Variants in SNX9 observed in about 807,000 individuals in gnomAD.
SNX9 encodes the protein sorting nexin 9.
A neutral mutation model predicts 89.4 loss-of-function variants in SNX9; 44 were observed. The observed-to-expected ratio is 0.49, with a 90% CI of 0.39 to 0.63. SNX9 has a LOEUF of 0.63. SNX9 is among the 30% of genes least tolerant of loss of function. SNX9 has a pLI of 0.00. For synonymous variants in SNX9, 236 were observed against 247.8 expected (o/e 0.95, Z 0.45); for missense variants, 578 against 736.1 (o/e 0.79, Z 2.49).
chr6:157,868,085 A>G (rs973584465), intron 2 of SNX9, among the ~76,000 whole-genome samples: 8 of 152,152 alleles, frequency 5.3e-5, no homozygotes, highest in Admixed American at 1.3e-4. Context: ...GATTGATCCT[A>G]TCATCATTTT....
intron 4 of SNX9, among the ~76,000 whole-genome samples, chr6:157,893,190 T>A (rs1782899954): frequency 6.6e-6 from 1 of 152,242 alleles, no homozygotes; most frequent in Non-Finnish European, 1.5e-5. Context: ...GAAGTGTGAC[T>A]GCCAGGCCCT....
At chr6:157,880,890 T>C (rs577553849) in intron 4 of SNX9, among the ~76,000 whole-genome samples, 2 of 152,348 alleles carry the variant, frequency 1.3e-5, no homozygotes, top group Non-Finnish European at 2.9e-5. Flanking sequence ...TAAAACCTCA[T>C]GGGATTTTTG....
intron 1 of SNX9, among the ~76,000 whole-genome samples, chr6:157,841,627 C>T (rs140293474): frequency 5.3e-4 from 80 of 152,162 alleles, no homozygotes; most frequent in Admixed American, 1.0e-3. Flanking sequence ...AGGTGGTTGC[C>T]AGGAGGAAGT....
chr6:157,824,972 G>T (rs952094396), intron 1 of SNX9, among the ~76,000 whole-genome samples: 1 of 152,176 alleles, frequency 6.6e-6, no homozygotes, highest in Non-Finnish European at 1.5e-5. Context: ...GGCCGGGCGC[G>T]GTGGCTCACT....
In SNX9 at chr6:157,914,936, CT is replaced by C. The variant is rs1783431024; in HGVS notation, c.949+4914del. On this transcript the variant is annotated intron_variant, in intron 9 of 17. Transcript: ENST00000392185. ...AAGGTTTTAGGCTTTTCGTTTAGAT[CT>C]TTGATGCATTTTGAGGTTATTTTTG... Among the ~76,000 whole-genome samples, 11 of 152,136 alleles carry C rather than the reference CT, an allele frequency of 7.2e-5. No homozygotes were observed. The South Asian group carries it at 2.3e-3, about 32-fold the overall frequency.
At chr6:157,882,355 C>T (rs1017393463) in intron 4 of SNX9, among the ~76,000 whole-genome samples, 83 of 152,186 alleles carry the variant, frequency 5.5e-4, no homozygotes, top group African/African-American at 1.8e-3. Context: ...CACCTAAGAG[C>T]GCTGATGGAG....
In SNX9 at chr6:157,863,558, A is replaced by C. The variant is rs79613221; in HGVS notation, c.13-3989A>C. 5.3e-3 allele frequency among the ~76,000 whole-genome samples: 803 copies of C among 152,348 alleles called. 8 individuals carry two copies. Among genetic ancestry groups the C allele is most frequent in the African/African-American group, 0.019 (773 of 41,578 alleles). Reference sequence around the variant, plus strand: ...AGGACTAGGTGGAAATTTAGCTCTTAGAAATAGTTGAAGAATGAGTTCTTG... The same window carrying C: ...AGGACTAGGTGGAAATTTAGCTCTTCGAAATAGTTGAAGAATGAGTTCTTG... On this transcript the variant is annotated intron_variant, in intron 1 of 17. Transcript: ENST00000392185.
At chr6:157,905,973 A>G (rs1350040621) in intron 6 of SNX9, among the ~76,000 whole-genome samples, 155 bp from the exon 7 acceptor site, 2 of 152,214 alleles carry the variant, frequency 1.3e-5, no homozygotes, top group South Asian at 2.1e-4. Context: ...CCATTGAACA[A>G]TCTGATTACA....
intron 1 of SNX9, among the ~76,000 whole-genome samples, chr6:157,833,526 AAG>A (rs745821910): frequency 3.3e-5 from 5 of 152,162 alleles, no homozygotes; most frequent in African/African-American, 4.8e-5. Flanking sequence ...AGGGGAAAAA[AAG>A]AGTATGTTTT....
chr6:157,930,357 A>G (rs1359571598), intron 12 of SNX9, among the ~76,000 whole-genome samples: 2 of 152,228 alleles, frequency 1.3e-5, no homozygotes, highest in East Asian at 3.8e-4. Context: ...ATGTATACAA[A>G]TGCAGCATCT....
rs1309242733 is a variant in SNX9 at position 157,937,438 on chromosome 6, A to G, written c.1448A>G (p.Lys483Arg). 1 of 1,612,482 alleles carries G rather than the reference A, an allele frequency of 6.2e-7. No homozygotes were observed. Among genetic ancestry groups the G allele is most frequent in the South Asian group, 1.1e-5 (1 of 90,922 alleles). The change falls in exon 15 of 18, where the codon AAG becomes AGG. Residue 483 changes from lysine to arginine, a missense_variant. This residue lies in a region of SNX9 where 348 missense variants were observed against 491.4 expected (regional missense o/e 0.71). Coordinates refer to ENST00000392185, the MANE Select transcript of SNX9 (RefSeq NM_016224.5). ...TCAGCTTGTATCTTGTTATAGCCAA[A>G]GAAAGATCTCCATTTCCTGATGGAA... ...EIASLVAEQP[K>R]KDLHFLMECN...
intron 9 of SNX9, among the ~76,000 whole-genome samples, chr6:157,916,544 A>G (rs1398202855): frequency 2.6e-5 from 4 of 152,212 alleles, no homozygotes; most frequent in Admixed American, 1.3e-4. Flanking sequence ...ACCATTAACT[A>G]TGATGTTAGC....
intron 7 of SNX9, among the ~76,000 whole-genome samples, chr6:157,908,658 TTAAA>T (rs1298645164): frequency 6.6e-6 from 1 of 152,132 alleles, no homozygotes; most frequent in African/African-American, 2.4e-5. Context: ...GGATGCTGTT[TTAAA>T]TAAGATGAAA....
At chr6:157,892,983 C>T (rs1782895855) in intron 4 of SNX9, among the ~76,000 whole-genome samples, 1 of 152,202 alleles carries the variant, frequency 6.6e-6, no homozygotes, top group African/African-American at 2.4e-5. Flanking sequence ...CACAGCCGGT[C>T]CTTGATGGAA....
intron 1 of SNX9, among the ~76,000 whole-genome samples, chr6:157,863,184 G>A (rs1387676232): frequency 1.3e-5 from 2 of 152,242 alleles, no homozygotes; most frequent in African/African-American, 4.8e-5. Flanking sequence ...AGGAAGGGAT[G>A]TGGGGCAGAC....
chr6:157,921,642 T>A lies in SNX9; in HGVS notation c.1061T>A (p.Leu354Gln). ...GAAAGTGAAGTTTTCCAGCAGTTCCTAAATTTCCGAGATGAGAAGGTAGGA... is the reference window on the plus strand; with the variant it reads ...GAAAGTGAAGTTTTCCAGCAGTTCCAAAATTTCCGAGATGAGAAGGTAGGA... ...ISESEVFQQF[L>Q]NFRDEKEWKT... The change falls in exon 10 of 18, where the codon CTA (leucine) becomes CAA (glutamine). Residue 354 changes from leucine to glutamine, a missense_variant. This residue lies in a region of SNX9 where 348 missense variants were observed against 491.4 expected (regional missense o/e 0.71). Coordinates refer to ENST00000392185, the MANE Select transcript of SNX9 (RefSeq NM_016224.5). 6.2e-7 allele frequency: 1 copy of A among 1,614,078 alleles called. No individual in the cohort carries two copies. Among genetic ancestry groups the A allele is most frequent in the Non-Finnish European group, 8.5e-7 (1 of 1,179,928 alleles).
chr6:157,841,896 A>G (rs895713774), intron 1 of SNX9, among the ~76,000 whole-genome samples: 1 of 152,184 alleles, frequency 6.6e-6, no homozygotes, highest in African/African-American at 2.4e-5. Flanking sequence ...AAACATGGAC[A>G]AAAGTAGAAC....
chr6:157,872,295 C>T (rs1202534450), intron 2 of SNX9, among the ~76,000 whole-genome samples: 5 of 152,104 alleles, frequency 3.3e-5, no homozygotes, highest in African/African-American at 1.2e-4. Context: ...AATGGCAATA[C>T]TGGGATATAG....
chr6:157,909,570 T>C, intron 7 of SNX9, 95 bp from the exon 8 acceptor site: 1 of 1,449,926 alleles, frequency 6.9e-7, no homozygotes, highest in Non-Finnish European at 9.5e-7. Context: ...CCAAAGGACT[T>C]CTCATTCTGA....
Sources: gnomAD v4.1 joint callset for allele counts (sites outside exome capture counted in the v4.1 genomes callset) on GRCh38, gnomAD v4.1.1 for gene constraint, gnomAD v4.1.1 regional missense constraint, MANE v1.5 for transcripts, NCBI Gene and HGNC (gene_info 2026-07-23, HGNC 2026-07-21) for gene names.